Variants in PAK2 observed in about 807,000 individuals in gnomAD.
The protein encoded by PAK2 is serine/threonine-protein kinase PAK 2.
In PAK2, 21 loss-of-function variants were observed where a neutral mutation model predicts 65.9. The observed-to-expected ratio is 0.32, with a 90% CI of 0.23 to 0.46. PAK2 has a LOEUF of 0.46. Ranked by LOEUF, PAK2 falls within the 20% of genes least tolerant of loss-of-function variation. The pLI, the probability that PAK2 is intolerant of heterozygous loss-of-function variation, is 1.00. For missense variants in PAK2, 324 were observed against 642.6 expected, an observed-to-expected ratio of 0.50 and a Z score of 5.36; for synonymous variants, 204 against 219.7, an observed-to-expected ratio of 0.93 and a Z score of 0.63.
At chr3:196,806,812 G>A (rs1333904354) in intron 6 of PAK2, 126 bp downstream of exon 6, 3 of 619,868 alleles carry the variant, frequency 4.8e-6, no homozygotes, top group Admixed American at 2.7e-5. Flanking sequence ...TTAGTATGGG[G>A]AAATTTAACC....
intron 2 of PAK2, among the ~76,000 whole-genome samples, chr3:196,783,542 A>G (rs1714780137): frequency 6.7e-6 from 1 of 149,154 alleles, no homozygotes. Flanking sequence ...AGATCGTGGC[A>G]CCGCACTCCA....
chr3:196,789,954 G>A (rs572629174), intron 2 of PAK2, among the ~76,000 whole-genome samples: 29 of 152,292 alleles, frequency 1.9e-4, no homozygotes, highest in African/African-American at 7.0e-4. Context: ...AGGAGGTGGC[G>A]CTCAGGCGGT....
At chr3:196,742,557 T>G (rs1401708642) in intron 1 of PAK2, among the ~76,000 whole-genome samples, 1 of 152,220 alleles carries the variant, frequency 6.6e-6, no homozygotes, top group Non-Finnish European at 1.5e-5. Flanking sequence ...ATTATTATTA[T>G]AATAATATTT....
At chr3:196,813,638 T>C (rs1715899484) in intron 10 of PAK2, among the ~76,000 whole-genome samples, 1 of 152,060 alleles carries the variant, frequency 6.6e-6, no homozygotes, top group African/African-American at 2.4e-5. Flanking sequence ...TCCCTAGTTA[T>C]GGAGAACATG....
Position 196,828,306 on chromosome 3 carries a change from T to G in PAK2, c.1489-13T>G. On this transcript the variant is annotated splice_polypyrimidine_tract_variant and intron_variant, in intron 14 of 14. Coordinates refer to ENST00000327134, the MANE Select transcript of PAK2 (RefSeq NM_002577.4). ...GGCACTTATACATTTATTTTTCCCC[T>G]TCTTTCTGGCAGCATCCTTTCCTGA... 1 of 1,544,234 alleles carries G rather than the reference T, an allele frequency of 6.5e-7. No homozygotes were observed. Among genetic ancestry groups the G allele is most frequent in the Non-Finnish European group, 8.9e-7 (1 of 1,121,550 alleles).
At chr3:196,800,583 A>G (rs1715395010) in intron 2 of PAK2, among the ~76,000 whole-genome samples, 1 of 152,182 alleles carries the variant, frequency 6.6e-6, no homozygotes, top group Non-Finnish European at 1.5e-5. Flanking sequence ...CATAGTTTCA[A>G]TGCGTATTAC....
At chr3:196,782,573 C>T (rs1317070969) in intron 1 of PAK2, 53 bp from the exon 2 acceptor site, 11 of 814,150 alleles carry the variant, frequency 1.4e-5, no homozygotes, top group Admixed American at 1.3e-4. Context: ...CTGTTTTTTG[C>T]TTGTTCGTGC....
At chr3:196,789,790 A>AC (rs976432373) in intron 2 of PAK2, among the ~76,000 whole-genome samples, 5 of 151,726 alleles carry the variant, frequency 3.3e-5, no homozygotes, top group African/African-American at 1.2e-4. Flanking sequence ...TGTGGGGCTG[A>AC]CGGGGGGGTG....
chr3:196,760,085 G>T (rs1713911473), intron 1 of PAK2, among the ~76,000 whole-genome samples: 1 of 152,138 alleles, frequency 6.6e-6, no homozygotes, highest in African/African-American at 2.4e-5. Flanking sequence ...GCATCTCTCA[G>T]CACTTCATTC....
chr3:196,821,487 C>G (rs1441822765), intron 13 of PAK2, among the ~76,000 whole-genome samples: 1 of 152,096 alleles, frequency 6.6e-6, no homozygotes, highest in Non-Finnish European at 1.5e-5. Flanking sequence ...AGTTCAAGAT[C>G]AGCCTGACCA....
rs202020142 is a variant in PAK2, at chr3:196,811,201, C to T, written c.773+548C>T. Among the ~76,000 whole-genome samples the T allele has an allele frequency of 3.3e-4, 13 of 38,912 alleles. 1 individual carries two copies. Among genetic ancestry groups the T allele is most frequent in the East Asian group, 1.8e-3 (1 of 548 alleles). 25.5% of individuals were successfully genotyped at this position (38,912 alleles called of 152,430 possible). A position where few individuals can be genotyped will look rare whatever the true frequency, so the allele number is the denominator to read the frequency against. Reference sequence around the variant, plus strand: ...AAAACTTCCATATGAATTCCTTCCTCCCTTCCTTCCCTTCCCTCCCTCCCT... The same window carrying T: ...AAAACTTCCATATGAATTCCTTCCTTCCTTCCTTCCCTTCCCTCCCTCCCT... On this transcript the variant is annotated intron_variant, in intron 8 of 14. Transcript: ENST00000327134.
intron 13 of PAK2, among the ~76,000 whole-genome samples, chr3:196,823,998 G>A (rs908183103): frequency 6.6e-6 from 1 of 151,876 alleles, no homozygotes. Flanking sequence ...GAAGTGAAGG[G>A]GGACGTGTTC....
At chr3:196,794,365 G>C (rs960373162) in intron 2 of PAK2, among the ~76,000 whole-genome samples, 1 of 152,128 alleles carries the variant, frequency 6.6e-6, no homozygotes, top group African/African-American at 2.4e-5. Flanking sequence ...CAACATCCAA[G>C]AACTCAGATA....
chr3:196,767,510 A>G (rs1199665373), intron 1 of PAK2, among the ~76,000 whole-genome samples: 2 of 151,996 alleles, frequency 1.3e-5, no homozygotes, highest in Non-Finnish European at 2.9e-5. Flanking sequence ...TTTGTTTGAG[A>G]CGGAGTCTTG....
chr3:196,827,473 T>A (rs1218532749), intron 14 of PAK2, 140 bp downstream of exon 14: 1 of 1,478,852 alleles, frequency 6.8e-7, no homozygotes, highest in Non-Finnish European at 9.0e-7. Context: ...TAGGGTTTCA[T>A]CCTACCATGC....
chr3:196,761,167 T>A (rs568642558), intron 1 of PAK2, among the ~76,000 whole-genome samples: 1,286 of 123,894 alleles, frequency 0.01, 23 homozygotes, highest in African/African-American at 0.035. Flanking sequence ...TTTTTTAATT[T>A]ATTTTTTTAT....
chr3:196,753,764 T>C (rs1713686033), intron 1 of PAK2, among the ~76,000 whole-genome samples: 1 of 152,212 alleles, frequency 6.6e-6, no homozygotes, highest in Non-Finnish European at 1.5e-5. Context: ...TTCCTGTGCC[T>C]GGATGGTGGT....
chr3:196,823,091 G>T (rs1302185976), intron 13 of PAK2, among the ~76,000 whole-genome samples: 2 of 152,116 alleles, frequency 1.3e-5, no homozygotes, highest in Admixed American at 1.3e-4. Flanking sequence ...GATTTCCCTG[G>T]CTGCGTTGTT....
At chr3:196,755,461 T>C (rs1713737988) in intron 1 of PAK2, among the ~76,000 whole-genome samples, 2 of 141,290 alleles carry the variant, frequency 1.4e-5, no homozygotes, top group Admixed American at 1.4e-4. Flanking sequence ...TTCCGACTTT[T>C]TTTTTTTTTT....
Sources: allele counts gnomAD v4.1 joint callset (sites outside exome capture counted in the v4.1 genomes callset), GRCh38; gene constraint gnomAD v4.1.1; transcripts MANE v1.5; gene names NCBI Gene and HGNC (gene_info 2026-07-23, HGNC 2026-07-21).